DNAAF4: variants seen among roughly 807,000 people sequenced by gnomAD.
DNAAF4 encodes dynein assembly factor 4, axonemal.
A neutral mutation model predicts 51.8 loss-of-function variants in DNAAF4; 43 were observed. The observed-to-expected ratio is 0.83, with a 90% CI of 0.65 to 1.07. The LOEUF (loss-of-function observed/expected upper bound fraction) is 1.07, where lower values mean the gene tolerates loss of function less well. Among genes scored for constraint, DNAAF4 ranks in the 50% least tolerant of loss-of-function variants. DNAAF4 has a pLI of 0.00. For missense variants in DNAAF4, 581 were observed against 493.0 expected (o/e 1.18, Z -1.69); for synonymous variants, 194 against 165.6 (o/e 1.17, Z -1.32).
At chr15:55,485,239 T>A (rs954565408) in intron 4 of DNAAF4, among the ~76,000 whole-genome samples, 1 of 152,082 alleles carries the variant, frequency 6.6e-6, no homozygotes, top group Admixed American at 6.6e-5. Context: ...GCTGAGAAAG[T>A]CTGACATACA....
intron 7 of DNAAF4, among the ~76,000 whole-genome samples, chr15:55,437,491 A>G (rs2057632435): frequency 1.3e-5 from 2 of 152,150 alleles, no homozygotes; most frequent in South Asian, 2.1e-4. Flanking sequence ...ATTGTGGTAG[A>G]CAGATAATGC....
intron 4 of DNAAF4, among the ~76,000 whole-genome samples, chr15:55,482,054 G>A (rs2058418513): frequency 6.6e-6 from 1 of 152,202 alleles, no homozygotes; most frequent in Non-Finnish European, 1.5e-5. Flanking sequence ...GCTTGCTTGA[G>A]CCCGCTTACA....
chr15:55,440,672 T>A (rs1404872668), intron 6 of DNAAF4, among the ~76,000 whole-genome samples: 1 of 101,242 alleles, frequency 9.9e-6, no homozygotes, highest in African/African-American at 3.7e-5. Context: ...TGGCCATATT[T>A]ATACATTATT....
At chr15:55,446,835 T>C (rs139869041) in intron 6 of DNAAF4, among the ~76,000 whole-genome samples, 16,777 of 105,904 alleles carry the variant, frequency 0.16, 1,177 homozygotes, top group African/African-American at 0.25. Context: ...ACATCCCTGA[T>C]GGGGTGGCCG....
intron 6 of DNAAF4, among the ~76,000 whole-genome samples, chr15:55,446,824 C>T (rs369161230): frequency 1.3e-5 from 2 of 149,316 alleles, no homozygotes; most frequent in Non-Finnish European, 3.0e-5. Flanking sequence ...AGGCGCTCCT[C>T]ACATCCCTGA....
chr15:55,476,270 C>A (rs1394513071), intron 4 of DNAAF4, among the ~76,000 whole-genome samples: 4 of 151,988 alleles, frequency 2.6e-5, no homozygotes, highest in Non-Finnish European at 1.5e-5. Context: ...GAGTTCAAGA[C>A]CATCCTGAGT....
chr15:55,427,169 C>T (rs1595885808), downstream of DNAAF4, among the ~76,000 whole-genome samples: 1 of 151,604 alleles, frequency 6.6e-6, no homozygotes, highest in Non-Finnish European at 1.5e-5. Flanking sequence ...TGGGTTCAAG[C>T]AATTCTCTGC....
chr15:55,503,437 A>T (rs2058710002), intron 1 of DNAAF4, among the ~76,000 whole-genome samples: 1 of 152,196 alleles, frequency 6.6e-6, no homozygotes. Context: ...AGCCAGCATC[A>T]TCCTGATACC....
At chr15:55,485,521 G>T (rs2058475203) in intron 4 of DNAAF4, among the ~76,000 whole-genome samples, 1 of 152,074 alleles carries the variant, frequency 6.6e-6, no homozygotes, top group Non-Finnish European at 1.5e-5. Flanking sequence ...AGGTTTCTGG[G>T]TTTCAACTTT....
At chr15:55,419,978 G>A (rs2057374782) in intron 7 of DNAAF4, among the ~76,000 whole-genome samples, 1 of 151,926 alleles carries the variant, frequency 6.6e-6, no homozygotes, top group Non-Finnish European at 1.5e-5. Flanking sequence ...ACTCCAACCT[G>A]GGCAACAAGA....
At chr15:55,422,875 T>C (rs2057399678) in intron 7 of DNAAF4, among the ~76,000 whole-genome samples, 1 of 152,042 alleles carries the variant, frequency 6.6e-6, no homozygotes, top group Non-Finnish European at 1.5e-5. Context: ...TGGAAGCCTG[T>C]AATCCCAGCT....
chr15:55,442,977 G>T, intron 6 of DNAAF4: 1 of 1,610,310 alleles, frequency 6.2e-7, no homozygotes, highest in South Asian at 1.1e-5. Context: ...CGTCATTGTA[G>T]AACATCACGT....
chr15:55,505,744 C>T (rs1318034116), intron 1 of DNAAF4, among the ~76,000 whole-genome samples: 1 of 149,634 alleles, frequency 6.7e-6, no homozygotes, highest in Non-Finnish European at 1.5e-5. Flanking sequence ...GGGAGGGGAA[C>T]ATTACACACT....
At chr15:55,439,828 G>A (rs918499560) in intron 6 of DNAAF4, among the ~76,000 whole-genome samples, 4 of 152,024 alleles carry the variant, frequency 2.6e-5, no homozygotes, top group African/African-American at 4.8e-5. Flanking sequence ...CTCCCAAAAC[G>A]AGTTTATCCT....
At chr15:55,483,553 G>A (rs1226470919) in intron 4 of DNAAF4, among the ~76,000 whole-genome samples, 2 of 151,956 alleles carry the variant, frequency 1.3e-5, no homozygotes, top group African/African-American at 4.8e-5. Flanking sequence ...GTTTGTTTTT[G>A]TTTTTGAAAT....
At chr15:55,421,269 G>C (rs1051319221) in intron 7 of DNAAF4, among the ~76,000 whole-genome samples, 2 of 151,686 alleles carry the variant, frequency 1.3e-5, no homozygotes, top group Non-Finnish European at 2.9e-5. Flanking sequence ...GAGAGGCCGA[G>C]GTGGTCCGAT....
intron 4 of DNAAF4, among the ~76,000 whole-genome samples, chr15:55,471,489 C>T (rs2058254274): frequency 6.6e-6 from 1 of 151,326 alleles, no homozygotes; most frequent in Admixed American, 6.6e-5. Flanking sequence ...TTTATGATGT[C>T]ATAAAGAGAT....
At chr15:55,481,545 C>T (rs76518232) in intron 4 of DNAAF4, among the ~76,000 whole-genome samples, 2,293 of 152,296 alleles carry the variant, frequency 0.015, 59 homozygotes, top group African/African-American at 0.053. Flanking sequence ...TTCCAGGTGA[C>T]GATGCCAGCC....
At chr15:55,462,190 A>G (rs2058102536) in intron 5 of DNAAF4, among the ~76,000 whole-genome samples, 1 of 151,748 alleles carries the variant, frequency 6.6e-6, no homozygotes, top group Admixed American at 6.6e-5. Context: ...AGATGGATTC[A>G]CAGCTGGTTT....
Sources: gnomAD v4.1 joint callset for allele counts (sites outside exome capture counted in the v4.1 genomes callset) on GRCh38, gnomAD v4.1.1 for gene constraint, MANE v1.5 for transcripts, NCBI Gene and HGNC (gene_info 2026-07-23, HGNC 2026-07-21) for gene names.